The following EYS variants were observed in gnomAD, a reference collection of about 807,000 sequenced individuals.
EYS encodes protein eyes shut homolog.
In EYS, 250 loss-of-function variants were observed where a neutral mutation model predicts 282.1. That is an observed-to-expected ratio of 0.89 (90% CI 0.80 to 0.98). The LOEUF (loss-of-function observed/expected upper bound fraction) is 0.98. Ranked by LOEUF, EYS falls within the 50% of genes least tolerant of loss-of-function variation. The pLI is 0.00. For missense variants in EYS, 4,016 were observed against 3,709.0 expected, an observed-to-expected ratio of 1.08 and a Z score of -2.15; for synonymous variants, 1,355 against 1,282.9, an observed-to-expected ratio of 1.06 and a Z score of -1.20.
chr6:65,667,662 T>C (rs922563629), intron 1 of EYS, among the ~76,000 whole-genome samples: 1 of 151,904 alleles, frequency 6.6e-6, no homozygotes, highest in African/African-American at 2.4e-5. Flanking sequence ...TTCTCAGAAA[T>C]TATCTGTTCA....
chr6:63,933,557 C>T (rs1764961980), intron 35 of EYS, among the ~76,000 whole-genome samples: 1 of 152,170 alleles, frequency 6.6e-6, no homozygotes, highest in South Asian at 2.1e-4. Flanking sequence ...TTGATTACAT[C>T]ATTGGCCATT....
intron 12 of EYS, among the ~76,000 whole-genome samples, chr6:65,100,861 GT>G (rs1341444340): frequency 6.6e-6 from 1 of 150,854 alleles, no homozygotes; most frequent in Non-Finnish European, 1.5e-5. Flanking sequence ...AATTGGTCTT[GT>G]TTTTAATCAC....
intron 35 of EYS, among the ~76,000 whole-genome samples, chr6:63,911,177 C>A (rs149950075): frequency 2.7e-5 from 4 of 150,692 alleles, no homozygotes; most frequent in African/African-American, 9.7e-5. Flanking sequence ...CAATTGCAGT[C>A]GCTTTTCCCA....
intron 22 of EYS, among the ~76,000 whole-genome samples, chr6:64,687,912 G>T (rs1414067645): frequency 1.3e-5 from 2 of 152,026 alleles, no homozygotes; most frequent in East Asian, 1.9e-4. Flanking sequence ...TGTTATTATT[G>T]GTCTGTTCAG....
intron 2 of EYS, among the ~76,000 whole-genome samples, chr6:65,581,767 A>G (rs918914839): frequency 2.4e-4 from 37 of 152,160 alleles, no homozygotes; most frequent in African/African-American, 7.5e-4. Flanking sequence ...TATAAAAATG[A>G]CAAATAAATA....
At chr6:65,479,856 G>C (rs1582351688) in intron 5 of EYS, among the ~76,000 whole-genome samples, 1 of 151,914 alleles carries the variant, frequency 6.6e-6, no homozygotes, top group Non-Finnish European at 1.5e-5. Context: ...AAAGTACATG[G>C]AAAAAAATTT....
chr6:63,885,800 T>C (rs867427386), intron 35 of EYS, among the ~76,000 whole-genome samples: 30 of 152,144 alleles, frequency 2.0e-4, no homozygotes, highest in African/African-American at 6.5e-4. Flanking sequence ...CTTGACCCAA[T>C]TCGGGACTAA....
intron 22 of EYS, among the ~76,000 whole-genome samples, chr6:64,708,441 C>G (rs140012184): frequency 4.7e-4 from 71 of 152,210 alleles, no homozygotes; most frequent in African/African-American, 1.7e-3. Context: ...ATTCCAAATT[C>G]CTGGGGAAGG....
At chr6:64,707,495 C>T (rs934791219) in intron 22 of EYS, among the ~76,000 whole-genome samples, 2 of 152,124 alleles carry the variant, frequency 1.3e-5, no homozygotes, top group Admixed American at 1.3e-4. Flanking sequence ...CAGTGAAACC[C>T]TGTCTCTACT....
At chr6:65,490,032 C>T (rs9354254) in intron 5 of EYS, 32,147 of 152,124 alleles carry the variant, frequency 0.21, 3,697 homozygotes, top group Middle Eastern at 0.3. Flanking sequence ...ATATAGGTGA[C>T]GGGTTGATGG....
At chr6:65,683,295 T>C (rs570172735) in intron 1 of EYS, among the ~76,000 whole-genome samples, 3 of 152,120 alleles carry the variant, frequency 2.0e-5, no homozygotes, top group African/African-American at 7.2e-5. Flanking sequence ...TCCTTGTCAG[T>C]TTCTGATAAA....
At chr6:64,216,590 C>T (rs1765935795) in intron 31 of EYS, among the ~76,000 whole-genome samples, 1 of 152,190 alleles carries the variant, frequency 6.6e-6, no homozygotes, top group South Asian at 2.1e-4. Context: ...CTTGAGAGTG[C>T]TTCCTTTATA....
chr6:65,079,871 T>C (rs1774177412), intron 12 of EYS, among the ~76,000 whole-genome samples: 1 of 152,092 alleles, frequency 6.6e-6, no homozygotes, highest in Admixed American at 6.6e-5. Flanking sequence ...TTATTGTTTC[T>C]CAACAACCAG....
intron 12 of EYS, among the ~76,000 whole-genome samples, chr6:65,157,056 A>G (rs527648735): frequency 6.6e-6 from 1 of 151,254 alleles, no homozygotes; most frequent in Admixed American, 6.6e-5. Context: ...CAATTTTCTT[A>G]GCAAGTTACT....
chr6:64,439,167 A>T lies in EYS; in HGVS notation c.5830T>A (p.Leu1944Ile), dbSNP rs1232523835. The part of the protein sequence containing the change: ...FIQLFIENGT[L>I]KYHFYCPGEA... ...AAATGAACTGAATAACTTACCTTTA[A>T]AGTACCATTTTCAATAAACAATTGA... The change falls in exon 27 of 43, where the codon TTA becomes ATA. Residue 1944 changes from leucine to isoleucine, a missense_variant. Coordinates refer to ENST00000503581, the MANE Select transcript of EYS (RefSeq NM_001142800.2). 6 of 1,434,928 alleles carry T rather than the reference A, an allele frequency of 4.2e-6. No homozygotes were observed. The highest frequency in any genetic ancestry group is 3.7e-4 in the Middle Eastern group (2 of 5,352). The allele number at this position is 1,434,928 out of a possible 1,614,324, so 88.9% of individuals were successfully genotyped here.
intron 41 of EYS, among the ~76,000 whole-genome samples, chr6:63,750,996 T>TA (rs1299191613): frequency 6.6e-6 from 1 of 152,196 alleles, no homozygotes; most frequent in Non-Finnish European, 1.5e-5. Context: ...TCACCACTCT[T>TA]ACCTTGGATG....
At chr6:65,586,277 A>G (rs1044556022) in intron 2 of EYS, among the ~76,000 whole-genome samples, 4 of 152,080 alleles carry the variant, frequency 2.6e-5, no homozygotes, top group Non-Finnish European at 5.9e-5. Context: ...GATAATTTCA[A>G]ATTAATATGG....
At position 65,007,564 on chromosome 6, in the gene EYS, A is replaced by G. The variant is rs967740584; in HGVS notation, c.2138-9861T>C. On this transcript the variant is annotated intron_variant, in intron 13 of 42. Transcript: ENST00000503581. ...TCTTTTCATTAAGAGACAACTGGCA[A>G]TTATGTAAAAAGTGTGATTTATGCC... Among the ~76,000 whole-genome samples, 4 of 152,252 alleles carry G rather than the reference A, an allele frequency of 2.6e-5. No homozygotes were observed. The South Asian group carries it at 8.3e-4, about 32-fold the overall frequency.
chr6:65,055,606 T>TA (rs1773390419), intron 13 of EYS, among the ~76,000 whole-genome samples: 1 of 152,100 alleles, frequency 6.6e-6, no homozygotes, highest in South Asian at 2.1e-4. Context: ...TCCTTAGGCT[T>TA]CTCTTGGCTT....
Sources: gnomAD v4.1 joint callset for allele counts (sites outside exome capture counted in the v4.1 genomes callset) on GRCh38, gnomAD v4.1.1 for gene constraint, MANE v1.5 for transcripts, NCBI Gene and HGNC (gene_info 2026-07-23, HGNC 2026-07-21) for gene names.